SYNE1: variants seen among roughly 807,000 people sequenced by gnomAD.
The protein encoded by SYNE1 is nesprin-1.
Under a neutral mutation model 1,111.0 loss-of-function variants are expected in SYNE1, and 616 were observed. That is an observed-to-expected ratio of 0.55 (90% CI 0.52 to 0.59). SYNE1 has a LOEUF of 0.59. Among genes scored for constraint, SYNE1 ranks in the 20% least tolerant of loss-of-function variants. SYNE1 has a pLI of 0.00. For synonymous variants in SYNE1, 3,855 were observed against 3,825.8 expected, an observed-to-expected ratio of 1.01 and a Z score of -0.28; for missense variants, 10,006 against 10,417.0, an observed-to-expected ratio of 0.96 and a Z score of 1.72.
chr6:152,482,175 G>A (rs2098908112), intron 14 of SYNE1, among the ~76,000 whole-genome samples: 1 of 151,986 alleles, frequency 6.6e-6, no homozygotes. Context: ...GGCCAAGATC[G>A]GCAATGGCAT....
chr6:152,487,353 T>A (rs2098946412), intron 12 of SYNE1, among the ~76,000 whole-genome samples: 1 of 152,230 alleles, frequency 6.6e-6, no homozygotes. Flanking sequence ...TCCAGTTCCA[T>A]CCATGTCCCT....
In SYNE1 at chr6:152,176,407, G is replaced by C; in HGVS notation, c.23614C>G (p.Leu7872Val). 1 of 1,614,094 alleles carries C rather than the reference G, an allele frequency of 6.2e-7. No individual in the cohort carries two copies. Among genetic ancestry groups the C allele is most frequent in the Non-Finnish European group, 8.5e-7 (1 of 1,179,996 alleles). Residue 7872 changes from leucine (L) to valine (V), a missense_variant, in exon 130 of 146, where the codon CTC becomes GTC. By Grantham distance (32) the Leu-to-Val change is conservative. Around this residue, in one of 7 missense-constraint regions of SYNE1, gnomAD observed 2,182 missense variants for 2,287.8 expected, o/e 0.95. Coordinates refer to ENST00000367255, the MANE Select transcript of SYNE1 (RefSeq NM_182961.4). Reference protein sequence around the residue: ...VNDRWQHLLDLIAARVKKLKE... With the variant: ...VNDRWQHLLDVIAARVKKLKE... The stretch of plus-strand genomic sequence containing the variant: ...GGTCCTCTTTACCTGGCTGCAATGA[G>C]GTCCAGGAGATGCTGCCACCGGTCG...
intron 91 of SYNE1, 33 bp from the exon 92 acceptor site, chr6:152,302,096 A>T (rs201598631): frequency 6.2e-7 from 1 of 1,613,754 alleles, no homozygotes; most frequent in East Asian, 2.2e-5. Context: ...GGGGTGTCAG[A>T]GCAGCATCAA....
At chr6:152,506,602 C>T (rs1178280471) in intron 8 of SYNE1, among the ~76,000 whole-genome samples, 1 of 151,860 alleles carries the variant, frequency 6.6e-6, no homozygotes, top group Non-Finnish European at 1.5e-5. Flanking sequence ...AGTGCAGTGG[C>T]ACAGTCTCGG....
rs200423023 is a variant in SYNE1, at chr6:152,565,064, G to T, written c.68-25043C>A. Among the ~76,000 whole-genome samples, 56 of 152,204 alleles carry T rather than the reference G, an allele frequency of 3.7e-4. No homozygotes were observed. In the East Asian group the frequency reaches 8.1e-3, roughly 22 times the overall value. The stretch of plus-strand genomic sequence containing the variant: ...TAGCAGCAATTAACTTCTCTTAAGG[G>T]AATAGAACAGACCATTGCTTTCTTT... On this transcript the variant is annotated intron_variant, in intron 3 of 145. Coordinates refer to ENST00000367255, the MANE Select transcript of SYNE1 (RefSeq NM_182961.4).
chr6:152,463,824 C>A (rs1271582331), intron 18 of SYNE1, among the ~76,000 whole-genome samples: 1 of 152,058 alleles, frequency 6.6e-6, no homozygotes, highest in East Asian at 1.9e-4. Flanking sequence ...TGTAAGAGAC[C>A]TGTGCATAAC....
intron 20 of SYNE1, among the ~76,000 whole-genome samples, chr6:152,462,305 C>G (rs2098738918): frequency 6.6e-6 from 1 of 151,948 alleles, no homozygotes; most frequent in Non-Finnish European, 1.5e-5. Flanking sequence ...GTTTGCTTTT[C>G]TCATGTAACA....
intron 6 of SYNE1, chr6:152,511,509 T>C (rs1414440943): frequency 3.4e-6 from 5 of 1,472,164 alleles, no homozygotes; most frequent in Non-Finnish European, 4.8e-6. Flanking sequence ...AAATAGCAGG[T>C]AACTTATGTT....
intron 3 of SYNE1, among the ~76,000 whole-genome samples, chr6:152,605,033 AGAGGGAGGGAGG>A (rs1233315733): frequency 7.9e-5 from 2 of 25,418 alleles, no homozygotes; most frequent in Non-Finnish European, 1.3e-4. Flanking sequence ...AGAGAGAGAG[AGAGGGAGGGAGG>A]GAGGGAGGGA....
chr6:152,136,694 T>C lies in SYNE1; in HGVS notation c.25583A>G (p.Asn8528Ser), dbSNP rs1554393115. The C allele has an allele frequency of 6.2e-7, 1 of 1,614,230 alleles. No individual in the cohort carries two copies. Among genetic ancestry groups the C allele is most frequent in the African/African-American group, 1.3e-5 (1 of 75,056 alleles). ...AGAGCACACTCGGTCCCAGCGCCCATTCATCTGCGACAAGCGATCCTGCAG... is the reference window on the plus strand; with the variant it reads ...AGAGCACACTCGGTCCCAGCGCCCACTCATCTGCGACAAGCGATCCTGCAG... The part of the protein sequence containing the change: ...RDLQDRLSQM[N>S]GRWDRVCSLL... Residue 8528 changes from asparagine (N) to serine (S), a missense_variant, in exon 141 of 146, where the codon AAT (asparagine) becomes AGT (serine). By Grantham distance (46) the Asn-to-Ser change is conservative. This residue lies in a region of SYNE1 where 761 missense variants were observed against 795.5 expected (regional missense o/e 0.96). Coordinates refer to ENST00000367255, the MANE Select transcript of SYNE1 (RefSeq NM_182961.4).
chr6:152,477,317 G>A (rs2098840664), intron 14 of SYNE1, among the ~76,000 whole-genome samples: 1 of 152,132 alleles, frequency 6.6e-6, no homozygotes, highest in African/African-American at 2.4e-5. Context: ...AGGGGAAGGG[G>A]AGTTTGGGGG....
intron 100 of SYNE1, among the ~76,000 whole-genome samples, chr6:152,263,876 T>C (rs62428358): frequency 5.3e-5 from 8 of 152,084 alleles, no homozygotes; most frequent in African/African-American, 1.9e-4. Context: ...ATAAGGCCTA[T>C]AACCCTATCT....
chr6:152,126,444 G>T (rs573211538), intron 145 of SYNE1: 31 of 152,294 alleles, frequency 2.0e-4, no homozygotes, highest in African/African-American at 7.5e-4. Flanking sequence ...AAGGCAACTT[G>T]TTGACTACCC....
At chr6:152,635,085 G>A (rs1200790151) in intron 2 of SYNE1, among the ~76,000 whole-genome samples, 1 of 152,228 alleles carries the variant, frequency 6.6e-6, no homozygotes, top group Non-Finnish European at 1.5e-5. Flanking sequence ...TTATCAGAAA[G>A]TAGGCCCAGT....
chr6:152,619,182 C>A (rs1452785554), intron 3 of SYNE1, among the ~76,000 whole-genome samples: 1 of 152,144 alleles, frequency 6.6e-6, no homozygotes, highest in Non-Finnish European at 1.5e-5. Flanking sequence ...AGGGATTTGT[C>A]ACATGAAACT....
chr6:152,142,222 T>C (rs2058673937), intron 138 of SYNE1, among the ~76,000 whole-genome samples: 2 of 152,232 alleles, frequency 1.3e-5, no homozygotes, highest in Admixed American at 1.3e-4. Context: ...TTACGATTCA[T>C]GACTCAAAAC....
intron 115 of SYNE1, 58 bp downstream of exon 115, chr6:152,230,489 T>C: frequency 6.5e-7 from 1 of 1,549,154 alleles, no homozygotes; most frequent in Non-Finnish European, 8.9e-7. Flanking sequence ...CCTATAAACA[T>C]ATTAGCATAC....
intron 77 of SYNE1, among the ~76,000 whole-genome samples, 188 bp downstream of exon 77, chr6:152,333,820 A>G (rs1351201158): frequency 6.6e-6 from 1 of 151,970 alleles, no homozygotes; most frequent in African/African-American, 2.4e-5. Context: ...TTTAGTAGAG[A>G]TGAGGTTTCA....
intron 95 of SYNE1, among the ~76,000 whole-genome samples, chr6:152,292,218 A>C (rs778466804): frequency 6.6e-6 from 1 of 152,178 alleles, no homozygotes; most frequent in Non-Finnish European, 1.5e-5. Flanking sequence ...GTCTAGTGAT[A>C]AAATGGGGGA....
Sources: allele counts gnomAD v4.1 joint callset (sites outside exome capture counted in the v4.1 genomes callset), GRCh38; gene constraint gnomAD v4.1.1; regional missense constraint gnomAD v4.1.1; transcripts MANE v1.5; gene names NCBI Gene and HGNC (gene_info 2026-07-23, HGNC 2026-07-21).